CNTNAP2: variants seen among roughly 807,000 people sequenced by gnomAD.
The protein encoded by CNTNAP2 is contactin associated protein 2, also known as contactin-associated protein-like 2.
In CNTNAP2, 98 loss-of-function variants were observed where a neutral mutation model predicts 155.2. The observed-to-expected ratio is 0.63, with a 90% CI of 0.54 to 0.75. The LOEUF is 0.75. Ranked by LOEUF, CNTNAP2 falls within the 30% of genes least tolerant of loss-of-function variation. CNTNAP2 has a pLI of 0.00. For synonymous variants in CNTNAP2, 651 were observed against 631.2 expected (o/e 1.03, Z -0.47); for missense variants, 1,727 against 1,688.1 (o/e 1.02, Z -0.40).
chr7:147,928,624 G>A (rs574248797), intron 14 of CNTNAP2, among the ~76,000 whole-genome samples: 12 of 152,210 alleles, frequency 7.9e-5, no homozygotes, highest in South Asian at 2.1e-4. Flanking sequence ...GTTTTTGGTA[G>A]CCTAATATAA....
At chr7:146,869,726 A>C (rs2129206956) in intron 3 of CNTNAP2, among the ~76,000 whole-genome samples, 1 of 152,236 alleles carries the variant, frequency 6.6e-6, no homozygotes, top group Admixed American at 6.5e-5. Flanking sequence ...AAGGGTAGGA[A>C]GCATCCGTCA....
chr7:147,448,522 G>A (rs1311355918), intron 10 of CNTNAP2, among the ~76,000 whole-genome samples: 1 of 145,722 alleles, frequency 6.9e-6, no homozygotes, highest in African/African-American at 2.6e-5. Context: ...CCATTGTTTA[G>A]TATCAGTAAA....
intron 1 of CNTNAP2, among the ~76,000 whole-genome samples, chr7:146,283,001 G>T (rs1450727891): frequency 6.6e-6 from 1 of 152,178 alleles, no homozygotes; most frequent in African/African-American, 2.4e-5. Flanking sequence ...ATAAAACGCT[G>T]TGTCCTAAGT....
chr7:147,647,972 G>A (rs149406731), intron 13 of CNTNAP2, among the ~76,000 whole-genome samples: 2,283 of 152,322 alleles, frequency 0.015, 189 homozygotes, highest in Admixed American at 0.14. Context: ...GGCTGCTGGA[G>A]TTTCATGTCA....
At chr7:147,936,303 T>TA (rs1554451868) in intron 14 of CNTNAP2, among the ~76,000 whole-genome samples, 1 of 150,152 alleles carries the variant, frequency 6.7e-6, no homozygotes, top group Non-Finnish European at 1.5e-5. Context: ...TTATTTTATT[T>TA]TTTTTTTTTT....
At chr7:147,608,790 G>A (rs879426979) in intron 12 of CNTNAP2, among the ~76,000 whole-genome samples, 4 of 152,122 alleles carry the variant, frequency 2.6e-5, no homozygotes, top group South Asian at 2.1e-4. Context: ...GGGTGCAGGC[G>A]GGCTGAGTCC....
chr7:148,323,462 C>A (rs983921500), intron 21 of CNTNAP2, among the ~76,000 whole-genome samples: 1 of 150,764 alleles, frequency 6.6e-6, no homozygotes, highest in African/African-American at 2.4e-5. Flanking sequence ...CCTCATTTTC[C>A]CACCATGCCT....
chr7:147,556,347 G>T (rs1379042075), intron 11 of CNTNAP2, among the ~76,000 whole-genome samples: 1 of 151,846 alleles, frequency 6.6e-6, no homozygotes, highest in East Asian at 1.9e-4. Context: ...ATTTTATATA[G>T]TTTTTATATA....
chr7:147,467,107 G>A (rs1413605783), intron 10 of CNTNAP2, among the ~76,000 whole-genome samples: 2 of 152,100 alleles, frequency 1.3e-5, no homozygotes, highest in Non-Finnish European at 2.9e-5. Flanking sequence ...CATTTCAACT[G>A]TTCTTCATTA....
In CNTNAP2 at chr7:147,101,171, C is replaced by G. The variant is rs185342292; in HGVS notation, c.551-6976C>G. On this transcript the variant is annotated intron_variant, in intron 4 of 23. Transcript: ENST00000361727. ...AGATGGCACTAAAAATGAGCCTGGA[C>G]GGGAAGGCAGGAGCTATATCATTGA... is the stretch of plus-strand genomic sequence containing the variant. Among the ~76,000 whole-genome samples the G allele has an allele frequency of 4.6e-5, 7 of 152,254 alleles. No individual in the cohort carries two copies. The East Asian group carries it at 1.4e-3, about 29-fold the overall frequency.
intron 12 of CNTNAP2, among the ~76,000 whole-genome samples, chr7:147,608,438 TA>T (rs778544387): frequency 5.9e-5 from 9 of 152,074 alleles, no homozygotes; most frequent in Non-Finnish European, 8.8e-5. Context: ...GTAGGATCTA[TA>T]ACCCCATGAA....
intron 13 of CNTNAP2, among the ~76,000 whole-genome samples, chr7:147,802,602 C>A (rs889700142): frequency 2.0e-5 from 3 of 152,058 alleles, no homozygotes; most frequent in African/African-American, 7.2e-5. Context: ...AGCGAAACCC[C>A]GTCTCCACCA....
intron 13 of CNTNAP2, among the ~76,000 whole-genome samples, chr7:147,842,587 C>CTTTTTTTTT (rs3055146): frequency 3.6e-5 from 3 of 84,408 alleles, no homozygotes; most frequent in African/African-American, 8.9e-5. Context: ...TTTTACTTTT[C>CTTTTTTTTT]TTTTTTTTTT....
chr7:146,167,280 T>C (rs1468272272), intron 1 of CNTNAP2, among the ~76,000 whole-genome samples: 1 of 152,222 alleles, frequency 6.6e-6, no homozygotes, highest in Non-Finnish European at 1.5e-5. Context: ...GTTGGTCATA[T>C]AAATATTACA....
chr7:146,182,401 A>G (rs1450231971), intron 1 of CNTNAP2, among the ~76,000 whole-genome samples: 2 of 152,102 alleles, frequency 1.3e-5, no homozygotes, highest in East Asian at 3.9e-4. Context: ...ATCTGTACAT[A>G]TTTTCATTCT....
intron 10 of CNTNAP2, among the ~76,000 whole-genome samples, chr7:147,444,170 C>A (rs907571281): frequency 1.3e-5 from 2 of 152,246 alleles, no homozygotes; most frequent in Admixed American, 6.5e-5. Flanking sequence ...CTTTAAGGGG[C>A]AAAATTGCTA....
intron 3 of CNTNAP2, among the ~76,000 whole-genome samples, chr7:146,993,002 T>G (rs998920773): frequency 2.0e-5 from 3 of 152,264 alleles, no homozygotes; most frequent in South Asian, 4.1e-4. Context: ...TGAATCCGTA[T>G]GGGTCTGCAG....
intron 9 of CNTNAP2, among the ~76,000 whole-genome samples, chr7:147,329,625 G>A (rs190128852): frequency 3.9e-5 from 6 of 152,210 alleles, no homozygotes; most frequent in Admixed American, 3.3e-4. Context: ...ATGGAGGAGG[G>A]CAGAGGGCAT....
intron 19 of CNTNAP2, among the ~76,000 whole-genome samples, chr7:148,219,977 A>G (rs1795715308): frequency 6.6e-6 from 1 of 152,258 alleles, no homozygotes; most frequent in South Asian, 2.1e-4. Flanking sequence ...CTCCCTCTCT[A>G]GGAAATGCAC....
Sources: gnomAD v4.1 joint callset for allele counts (sites outside exome capture counted in the v4.1 genomes callset) on GRCh38, gnomAD v4.1.1 for gene constraint, MANE v1.5 for transcripts, NCBI Gene and HGNC (gene_info 2026-07-23, HGNC 2026-07-21) for gene names.